THSD7A: variants seen among roughly 807,000 people sequenced by gnomAD.
THSD7A encodes thrombospondin type-1 domain-containing protein 7A.
Under a neutral mutation model 231.3 loss-of-function variants are expected in THSD7A, and 96 were observed. The ratio of observed to expected loss-of-function variants is 0.41; its 90% confidence interval spans 0.35 to 0.49. THSD7A has a LOEUF of 0.49. Ranked by LOEUF, THSD7A falls within the 20% of genes least tolerant of loss-of-function variation. THSD7A has a pLI of 0.05. For missense variants in THSD7A, 2,290 were observed against 2,070.2 expected, an observed-to-expected ratio of 1.11 and a Z score of -2.06; for synonymous variants, 940 against 743.3, an observed-to-expected ratio of 1.26 and a Z score of -4.30.
intron 6 of THSD7A, among the ~76,000 whole-genome samples, chr7:11,485,593 T>C (rs1307003060): frequency 6.6e-6 from 1 of 151,852 alleles, no homozygotes; most frequent in Non-Finnish European, 1.5e-5. Flanking sequence ...GGTTAAGTTA[T>C]CTTTCTCAAA....
chr7:11,748,858 A>G (rs1782403074), intron 1 of THSD7A, among the ~76,000 whole-genome samples: 1 of 152,072 alleles, frequency 6.6e-6, no homozygotes, highest in Admixed American at 6.6e-5. Context: ...ACGTTGTTAT[A>G]GTAAAATAAA....
At chr7:11,434,956 T>G (rs114223455) in intron 13 of THSD7A, among the ~76,000 whole-genome samples, 8,016 of 152,054 alleles carry the variant, frequency 0.053, 205 homozygotes, top group Admixed American at 0.066. Flanking sequence ...GGCAATTAAT[T>G]ATCATAGTAA....
chr7:11,554,025 C>T (rs1027704752), intron 4 of THSD7A, among the ~76,000 whole-genome samples: 1 of 151,872 alleles, frequency 6.6e-6, no homozygotes, highest in African/African-American at 2.4e-5. Context: ...TGTAATTTGA[C>T]AGCTTCTACA....
At chr7:11,670,681 C>G (rs557053478) in intron 1 of THSD7A, among the ~76,000 whole-genome samples, 1 of 152,244 alleles carries the variant, frequency 6.6e-6, no homozygotes, top group East Asian at 1.9e-4. Context: ...CCATTAGGAT[C>G]ACAGCACTGT....
intron 1 of THSD7A, among the ~76,000 whole-genome samples, chr7:11,651,505 AT>A (rs1782506322): frequency 2.0e-5 from 3 of 151,690 alleles, no homozygotes; most frequent in Non-Finnish European, 4.4e-5. Flanking sequence ...CTATCTATCT[AT>A]CTATCTATCT....
At chr7:11,665,228 A>G (rs1181133108) in intron 1 of THSD7A, among the ~76,000 whole-genome samples, 1 of 152,140 alleles carries the variant, frequency 6.6e-6, no homozygotes, top group East Asian at 1.9e-4. Context: ...TCTCTGATCT[A>G]GTTATTATGC....
chr7:11,748,223 G>A (rs28479746), intron 1 of THSD7A, among the ~76,000 whole-genome samples: 4,035 of 151,890 alleles, frequency 0.027, 195 homozygotes, highest in African/African-American at 0.093. Context: ...GTTTCAGAAG[G>A]CAAAAATGAT....
At chr7:11,687,137 C>T (rs749960293) in intron 1 of THSD7A, among the ~76,000 whole-genome samples, 28 of 151,790 alleles carry the variant, frequency 1.8e-4, no homozygotes, top group Non-Finnish European at 3.1e-4. Context: ...TTTGGTGACC[C>T]CAATTACATT....
At chr7:11,625,960 A>T (rs3846987) in intron 2 of THSD7A, among the ~76,000 whole-genome samples, 31,666 of 151,886 alleles carry the variant, frequency 0.21, 5,502 homozygotes, top group African/African-American at 0.47. Context: ...TGCTCTCACA[A>T]TGTCTCAAGC....
chr7:11,578,280 T>C (rs941912415), intron 4 of THSD7A, among the ~76,000 whole-genome samples: 1 of 152,196 alleles, frequency 6.6e-6, no homozygotes, highest in Non-Finnish European at 1.5e-5. Flanking sequence ...TGCTAGGAAA[T>C]GATTTACATA....
chr7:11,513,931 G>A (rs1053734880), intron 6 of THSD7A, among the ~76,000 whole-genome samples: 12 of 149,018 alleles, frequency 8.1e-5, no homozygotes, highest in African/African-American at 2.0e-4. Context: ...AAGCACACAC[G>A]CATAGGTGCA....
In THSD7A at chr7:11,379,218, C is replaced by G; in HGVS notation, c.4653G>C (p.Glu1551Asp). Residue 1551 changes from glutamate to aspartate, a missense_variant, in exon 26 of 28, where the codon GAG becomes GAC. Transcript: ENST00000423059. ...TEVMSSNSTL[E>D]QCTLIPVVVL... is the part of the protein sequence containing the mutation. ...CCACCACGGGGATAAGTGTGCATTG[C>G]TCAAGGGTGCTGTTAGAAGACATGA... The G allele has an allele frequency of 6.2e-7, 1 of 1,613,640 alleles. No individual in the cohort carries two copies.
intron 1 of THSD7A, among the ~76,000 whole-genome samples, chr7:11,766,224 A>G (rs1583272332): frequency 6.6e-6 from 1 of 152,168 alleles, no homozygotes; most frequent in Non-Finnish European, 1.5e-5. Flanking sequence ...AATATTTCCT[A>G]TAAGTTAGAT....
At chr7:11,686,353 C>G (rs1780052262) in intron 1 of THSD7A, among the ~76,000 whole-genome samples, 1 of 151,758 alleles carries the variant, frequency 6.6e-6, no homozygotes, top group African/African-American at 2.4e-5. Flanking sequence ...ATAAAAGGAG[C>G]TATTAAAAAT....
intron 1 of THSD7A, among the ~76,000 whole-genome samples, chr7:11,744,227 T>C (rs1782202476): frequency 1.3e-5 from 2 of 151,868 alleles, no homozygotes. Context: ...TGTCATTGAC[T>C]TGTTGGATTA....
intron 1 of THSD7A, among the ~76,000 whole-genome samples, chr7:11,680,546 G>A (rs1354053584): frequency 1.2e-4 from 19 of 152,132 alleles, no homozygotes; most frequent in Admixed American, 1.2e-3. Flanking sequence ...CAAATGATAT[G>A]AACAGACACT....
Position 11,678,233 on chromosome 7 carries a change from G to A in THSD7A, c.191-41272C>T, listed in dbSNP as rs558322529. 9.9e-5 allele frequency among the ~76,000 whole-genome samples: 15 copies of A among 152,240 alleles called. No individual in the cohort carries two copies. The South Asian group carries it at 1.0e-3, about 11-fold the overall frequency. ...AATTTATAGCACTAAATGCCCATAG[G>A]AGAAAGCAGGAAAGATGTAAAATTG... On this transcript the variant is annotated intron_variant, in intron 1 of 27. Transcript: ENST00000423059.
chr7:11,580,049 G>A (rs1791088863), intron 4 of THSD7A, among the ~76,000 whole-genome samples: 2 of 151,908 alleles, frequency 1.3e-5, no homozygotes, highest in Admixed American at 1.3e-4. Context: ...AAATCTGGCT[G>A]TTTTTTTTAA....
intron 16 of THSD7A, among the ~76,000 whole-genome samples, chr7:11,424,412 A>G (rs983036795): frequency 2.6e-5 from 4 of 152,208 alleles, no homozygotes; most frequent in African/African-American, 9.7e-5. Context: ...GAAGCAAAAA[A>G]GTTATTGGGG....
Sources: gnomAD v4.1 joint callset for allele counts (sites outside exome capture counted in the v4.1 genomes callset) on GRCh38, gnomAD v4.1.1 for gene constraint, MANE v1.5 for transcripts, NCBI Gene and HGNC (gene_info 2026-07-23, HGNC 2026-07-21) for gene names.